The following ADAMTSL1 variants were observed in gnomAD, a reference collection of about 807,000 sequenced individuals.
The protein encoded by ADAMTSL1 is ADAMTS-like protein 1.
A neutral mutation model predicts 201.8 loss-of-function variants in ADAMTSL1; 126 were observed. That is an observed-to-expected ratio of 0.62 (90% CI 0.54 to 0.72). ADAMTSL1 has a LOEUF of 0.72. Ranked by LOEUF, ADAMTSL1 falls within the 30% of genes least tolerant of loss-of-function variation. ADAMTSL1 has a pLI of 0.00. For synonymous variants in ADAMTSL1, 1,121 were observed against 903.4 expected (o/e 1.24, Z -4.32); for missense variants, 2,679 against 2,277.8 (o/e 1.18, Z -3.59).
At chr9:18,021,242 AAG>A (rs987333667) in intron 1 of ADAMTSL1, among the ~76,000 whole-genome samples, 2 of 152,158 alleles carry the variant, frequency 1.3e-5, no homozygotes, top group African/African-American at 4.8e-5. Context: ...CACTTTTGGC[AAG>A]AGTTACTTTG....
At chr9:18,156,310 A>C (rs536288494) in intron 1 of ADAMTSL1, among the ~76,000 whole-genome samples, 1 of 152,098 alleles carries the variant, frequency 6.6e-6, no homozygotes, top group East Asian at 1.9e-4. Context: ...GAGCCAATGT[A>C]AACTAAGCAG....
chr9:17,952,951 C>CCTTCTT (rs1827787418), intron 1 of ADAMTSL1, among the ~76,000 whole-genome samples: 1 of 130,370 alleles, frequency 7.7e-6, no homozygotes, highest in African/African-American at 2.8e-5. Flanking sequence ...TCCTCCTCCT[C>CCTTCTT]CTCCTTCTTC....
chr9:18,626,839 T>TTCTTTCTTTC lies in ADAMTSL1; in HGVS notation c.601+4471_601+4472insCTTTCTTTCT, dbSNP rs757449217. On this transcript the variant is annotated intron_variant, in intron 5 of 28. Transcript: ENST00000380548. ...TTTCTTTCTTTCTTTCTTACTTTCT[T>TTCTTTCTTTC]TTTCTTTCTTTCTTTCTTTCTTTCT... Among the ~76,000 whole-genome samples, 899 of 133,350 alleles carry TTCTTTCTTTC rather than the reference T, an allele frequency of 6.7e-3. 8 individuals carry two copies. The highest frequency in any genetic ancestry group is 0.025 in the African/African-American group (859 of 34,716). 87.5% of individuals were successfully genotyped at this position (133,350 alleles called of 152,430 possible).
intron 9 of ADAMTSL1, among the ~76,000 whole-genome samples, chr9:18,666,639 G>A (rs537047887): frequency 5.9e-5 from 9 of 152,224 alleles, no homozygotes; most frequent in African/African-American, 9.6e-5. Context: ...TCTGTCTTAC[G>A]CCAATGGAAA....
intron 2 of ADAMTSL1, among the ~76,000 whole-genome samples, chr9:18,350,424 G>A (rs753575241): frequency 4.6e-5 from 7 of 152,118 alleles, no homozygotes; most frequent in African/African-American, 9.7e-5. Context: ...TGTGAAGCCG[G>A]TCCTTCCCTT....
rs867403091 is a variant in ADAMTSL1 at position 18,227,763 on chromosome 9, C to T, written c.207+63782C>T. On this transcript the variant is annotated intron_variant, in intron 2 of 29. Coordinates refer to the ADAMTSL1 transcript ENST00000680146. ...CCTGATCACTATCTCCTCAACTCCC[C>T]TAGTGCCTCATATGGTATTATGTTA... 3.9e-5 allele frequency among the ~76,000 whole-genome samples: 6 copies of T among 152,324 alleles called. No individual in the cohort carries two copies. In the Middle Eastern group the frequency reaches 0.01, roughly 259 times the overall value.
At chr9:18,334,247 A>G (rs1835142150) in intron 2 of ADAMTSL1, among the ~76,000 whole-genome samples, 1 of 152,134 alleles carries the variant, frequency 6.6e-6, no homozygotes, top group Non-Finnish European at 1.5e-5. Context: ...TTTTCTAAGC[A>G]CAATACAAAT....
chr9:18,254,467 G>A (rs943907107), intron 2 of ADAMTSL1, among the ~76,000 whole-genome samples: 11 of 136,730 alleles, frequency 8.0e-5, no homozygotes, highest in African/African-American at 1.1e-4. Flanking sequence ...GGTTCACGCC[G>A]TTCTCCTGCC....
chr9:18,224,988 A>T (rs1304841576), intron 2 of ADAMTSL1, among the ~76,000 whole-genome samples: 1 of 152,050 alleles, frequency 6.6e-6, no homozygotes, highest in Non-Finnish European at 1.5e-5. Flanking sequence ...ACTTTTTCTA[A>T]ATTTCTCATC....
At chr9:18,047,419 C>G (rs200852949) in intron 1 of ADAMTSL1, among the ~76,000 whole-genome samples, 2 of 152,092 alleles carry the variant, frequency 1.3e-5, no homozygotes, top group African/African-American at 4.8e-5. Flanking sequence ...TTACACAGGA[C>G]AAGCCTCTAT....
chr9:18,699,056 A>G, intron 13 of ADAMTSL1, among the ~76,000 whole-genome samples: 1 of 152,246 alleles, frequency 6.6e-6, no homozygotes, highest in Non-Finnish European at 1.5e-5. Flanking sequence ...TGGAACTTTC[A>G]GAGAACTCAG....
In ADAMTSL1 at chr9:18,626,461, C is replaced by T. The variant is rs994130209; in HGVS notation, c.601+4092C>T. On this transcript the variant is annotated intron_variant, in intron 5 of 28. Transcript: ENST00000380548. ...AGGAAAAGAGAAAAGCAAGTGCAGA[C>T]GTCCTGTGGTATTTGCATTCGGGAT... 1.1e-3 allele frequency among the ~76,000 whole-genome samples: 167 copies of T among 152,250 alleles called. 1 individual carries two copies. Among genetic ancestry groups the T allele is most frequent in the Non-Finnish European group, 2.4e-4 (16 of 68,012 alleles).
chr9:18,211,930 C>G (rs1166227875), intron 2 of ADAMTSL1, among the ~76,000 whole-genome samples: 1 of 152,188 alleles, frequency 6.6e-6, no homozygotes, highest in African/African-American at 2.4e-5. Flanking sequence ...TCAAGTGCCC[C>G]TGTTTTCATG....
At chr9:18,381,263 T>C (rs1006746174) in intron 2 of ADAMTSL1, among the ~76,000 whole-genome samples, 1 of 152,250 alleles carries the variant, frequency 6.6e-6, no homozygotes, top group African/African-American at 2.4e-5. Flanking sequence ...TTCTTCTTGC[T>C]GTCAAAAATC....
intron 2 of ADAMTSL1, among the ~76,000 whole-genome samples, chr9:18,303,251 C>A (rs1318942524): frequency 1.3e-5 from 2 of 152,168 alleles, no homozygotes; most frequent in East Asian, 3.8e-4. Flanking sequence ...GTAATAATTT[C>A]TTTTTAAAGA....
intron 2 of ADAMTSL1, among the ~76,000 whole-genome samples, chr9:18,349,969 A>G (rs1835892603): frequency 6.7e-6 from 1 of 150,096 alleles, no homozygotes; most frequent in Non-Finnish European, 1.5e-5. Context: ...CTTTGAGGTT[A>G]GACCTCCAAA....
At chr9:18,795,339 A>G in intron 19 of ADAMTSL1, 58 bp from the exon 20 acceptor site, 8 of 1,603,848 alleles carry the variant, frequency 5.0e-6, no homozygotes, top group Non-Finnish European at 6.8e-6. Flanking sequence ...CCAATATTGA[A>G]TGCCAAAAAG....
At chr9:18,241,569 G>A (rs551858533) in intron 2 of ADAMTSL1, among the ~76,000 whole-genome samples, 26 of 151,926 alleles carry the variant, frequency 1.7e-4, no homozygotes, top group African/African-American at 6.3e-4. Context: ...AATTTGTATT[G>A]CACATGTTTA....
chr9:18,495,105 T>G (rs564154527), intron 1 of ADAMTSL1, among the ~76,000 whole-genome samples: 27 of 152,278 alleles, frequency 1.8e-4, no homozygotes, highest in Admixed American at 5.2e-4. Flanking sequence ...GAAATGGAAT[T>G]GATAAGACTT....
Sources: allele counts gnomAD v4.1 joint callset (sites outside exome capture counted in the v4.1 genomes callset), GRCh38; gene constraint gnomAD v4.1.1; transcripts MANE v1.5; gene names NCBI Gene and HGNC (gene_info 2026-07-23, HGNC 2026-07-21).